EIF3A: variants seen among roughly 807,000 people sequenced by gnomAD.
EIF3A encodes the protein EIF3, p180 subunit.
In EIF3A, 21 loss-of-function variants were observed where a neutral mutation model predicts 186.6. The observed-to-expected ratio is 0.11, with a 90% CI of 0.08 to 0.16. The LOEUF is 0.16. Ranked by LOEUF, EIF3A falls within the 10% of genes least tolerant of loss-of-function variation. The probability of loss-of-function intolerance (pLI) is 1.00; values close to 1 mark genes in which losing one functional copy is unlikely to be tolerated. For missense variants in EIF3A, 1,306 were observed against 1,796.3 expected, an observed-to-expected ratio of 0.73 and a Z score of 4.93; for synonymous variants, 563 against 584.3, an observed-to-expected ratio of 0.96 and a Z score of 0.52.
chr10:119,069,404 T>C (rs1254489254), intron 6 of EIF3A, 42 bp downstream of exon 6: 2 of 978,940 alleles, frequency 2.0e-6, no homozygotes, highest in Non-Finnish European at 3.3e-6. Flanking sequence ...TAGACGATAT[T>C]TGTTACAGAA....
rs141604213 is a variant in EIF3A, at chr10:119,051,218, G to T, written c.2300C>A (p.Ala767Glu). Residue 767 changes from alanine to glutamate, a missense_variant, in exon 15 of 22, where the codon GCA becomes GAA. Transcript: ENST00000369144. Reference sequence around the variant, plus strand: ...GCTCACCTCATAAACAGACTGCCGTGCAGCTTTGAGTCGCATTACGAATAA... The same window carrying T: ...GCTCACCTCATAAACAGACTGCCGTTCAGCTTTGAGTCGCATTACGAATAA... Reference protein sequence around the residue: ...RDLFVMRLKAARQSVYEEKLK... With the variant: ...RDLFVMRLKAERQSVYEEKLK... 7.8e-5 allele frequency: 125 copies of T among 1,609,544 alleles called. 1 individual carries two copies. In the African/African-American group the frequency reaches 1.6e-3, roughly 21 times the overall value.
chr10:119,070,815 A>G, intron 5 of EIF3A, 71 bp downstream of exon 5: 2 of 1,053,518 alleles, frequency 1.9e-6, no homozygotes, highest in South Asian at 2.6e-5. Context: ...AGATGAAGCT[A>G]TTCATTAAGG....
rs556389995 is a variant in EIF3A, at chr10:119,058,674, G to A, written c.1630-371C>T. On this transcript the variant is annotated intron_variant, in intron 11 of 21. Coordinates refer to ENST00000369144, the MANE Select transcript of EIF3A (RefSeq NM_003750.4). ...AAGGCGGGTGGATCACTTGAGGCCAGGACTTTGAGACCAGCATGGCCAACA... is the reference window on the plus strand; with the variant it reads ...AAGGCGGGTGGATCACTTGAGGCCAAGACTTTGAGACCAGCATGGCCAACA... Among the ~76,000 whole-genome samples the A allele has an allele frequency of 2.5e-4, 38 of 152,358 alleles. No individual in the cohort carries two copies. The South Asian group carries it at 7.9e-3, about 32-fold the overall frequency.
At position 119,059,736 on chromosome 10, in the gene EIF3A, G is replaced by A. The variant is rs1843850718; in HGVS notation, c.1327-18C>T. ...TGTGACACCTGCATAGAAAACAAAGGGTTAATAACACTAGCCACTGTTTAT... is the reference window on the plus strand; with the variant it reads ...TGTGACACCTGCATAGAAAACAAAGAGTTAATAACACTAGCCACTGTTTAT... On this transcript the variant is annotated intron_variant, in intron 9 of 21. Transcript: ENST00000369144. 2.0e-6 allele frequency: 3 copies of A among 1,511,316 alleles called. No homozygotes were observed. The Admixed American group carries it at 5.0e-5, about 25-fold the overall frequency. 93.6% of individuals were successfully genotyped at this position (1,511,316 alleles called of 1,614,324 possible). A position where few individuals can be genotyped will look rare whatever the true frequency, so the allele number is the denominator to read the frequency against.
intron 9 of EIF3A, chr10:119,060,115 A>C (rs566365526): frequency 2.0e-5 from 10 of 506,542 alleles, no homozygotes; most frequent in South Asian, 1.0e-4. Context: ...CACATAAAAG[A>C]AAGCAGGTCA....
At chr10:119,066,530 A>C (rs1275038404) in intron 6 of EIF3A, among the ~76,000 whole-genome samples, 3 of 150,662 alleles carry the variant, frequency 2.0e-5, no homozygotes, top group East Asian at 2.0e-4. Flanking sequence ...AAAAAAAAAA[A>C]AAAAAAAAAC....
chr10:119,058,965 C>T (rs998864600), intron 11 of EIF3A, among the ~76,000 whole-genome samples: 1 of 152,214 alleles, frequency 6.6e-6, no homozygotes, highest in African/African-American at 2.4e-5. Context: ...TATGTCCACT[C>T]TGTTGTTTCT....
rs1319476928 is a variant in EIF3A at position 119,037,110 on chromosome 10, C to G, written c.3919+9G>C. ...TCTCCAATACTTCAGTTGTATGTAA[C>G]CTCTATACCTTCTTCACGTTCTGAT... On this transcript the variant is annotated intron_variant, in intron 21 of 21. Transcript: ENST00000369144. The G allele has an allele frequency of 4.4e-6, 6 of 1,356,416 alleles. No individual in the cohort carries two copies. The highest frequency in any genetic ancestry group is 1.5e-5 in the African/African-American group (1 of 64,670). The allele number at this position is 1,356,416 out of a possible 1,614,324, so 84.0% of individuals were successfully genotyped here. A position where few individuals can be genotyped will look rare whatever the true frequency, so the allele number is the denominator to read the frequency against.
chr10:119,060,882 C>A, intron 8 of EIF3A, 38 bp from the exon 9 acceptor site: 1 of 1,387,898 alleles, frequency 7.2e-7, no homozygotes, highest in Non-Finnish European at 1.0e-6. Context: ...ATCACACTTT[C>A]TACATAAGAG....
rs150645328 is a variant in EIF3A at position 119,042,709 on chromosome 10, G to A, written c.2811C>T (p.Pro937=). The change falls in exon 19 of 22, where the codon CCC becomes CCT. Residue 937 remains proline, a synonymous_variant. Transcript: ENST00000369144. The surrounding 1 kb of genome is among the most constrained non-coding windows in gnomAD (Gnocchi z 7.8). Reference sequence around the variant, plus strand: ...TATCTTCATCATCCCCCAGACGCCGGGGCCGCTCTTCATCTCTTCTATGAG... The same window carrying A: ...TATCTTCATCATCCCCCAGACGCCGAGGCCGCTCTTCATCTCTTCTATGAG... ...DRSHRRDEER[P]RRLGDDEDRE... 2,705 of 1,613,730 alleles carry A rather than the reference G, an allele frequency of 1.7e-3. 37 individuals are homozygous for A. In the South Asian group the frequency reaches 0.018, roughly 11 times the overall value.
rs1257341518 is a variant in EIF3A, at chr10:119,063,375, C to T, written c.1122+2024G>A. On this transcript the variant is annotated intron_variant, in intron 7 of 21. Transcript: ENST00000369144. ...TGTCACAAAGGAAAAATGCCACTAT[C>T]TAGAAAAGTTATTTGTTCTTAAATT... is the stretch of plus-strand genomic sequence containing the variant. 2.6e-5 allele frequency among the ~76,000 whole-genome samples: 4 copies of T among 152,272 alleles called. No homozygotes were observed. The East Asian group carries it at 5.8e-4, about 22-fold the overall frequency.
Position 119,036,231 on chromosome 10 carries a change from G to A in EIF3A, c.3957C>T (p.Asp1319=), listed in dbSNP as rs1431998581. 1.2e-6 allele frequency: 2 copies of A among 1,613,018 alleles called. No individual in the cohort carries two copies. The highest frequency in any genetic ancestry group is 1.1e-5 in the South Asian group (1 of 91,014). The change falls in exon 22 of 22, where the codon GAC becomes GAT. Residue 1319 remains aspartate, a synonymous_variant. Transcript: ENST00000369144. ...SWRRADDRKD[D]RVEERDPPRR... is the part of the protein sequence containing the mutation. Reference sequence around the variant, plus strand: ...GAGGAGGGTCCCGCTCTTCCACCCGGTCATCTTTCCTGTCATCAGCACGTC... The same window carrying A: ...GAGGAGGGTCCCGCTCTTCCACCCGATCATCTTTCCTGTCATCAGCACGTC...
chr10:119,073,803 G>C lies in EIF3A; in HGVS notation c.184C>G (p.Arg62Gly). ...CCCTCCTTTGCCAAGTGGCTCTTGC[G>C]AAGATCCACGCAAAGTTCCAAGTAT... The part of the protein sequence containing the change: ...LKYLELCVDL[R>G]KSHLAKEGLY... The change falls in exon 2 of 22, where the codon CGC becomes GGC. Residue 62 changes from arginine (R) to glycine (G), a missense_variant. Arg to Gly is a moderately radical substitution (Grantham distance 125). Transcript: ENST00000369144. The C allele has an allele frequency of 6.2e-7, 1 of 1,613,736 alleles. No homozygotes were observed. The highest frequency in any genetic ancestry group is 8.5e-7 in the Non-Finnish European group (1 of 1,179,868).
chr10:119,071,693 T>C (rs1186657663), intron 4 of EIF3A, among the ~76,000 whole-genome samples: 1 of 152,174 alleles, frequency 6.6e-6, no homozygotes, highest in African/African-American at 2.4e-5. Flanking sequence ...TTAATATTTG[T>C]ATCAACAGCT....
intron 17 of EIF3A, among the ~76,000 whole-genome samples, chr10:119,049,046 A>G (rs1307831150): frequency 1.3e-5 from 2 of 152,192 alleles, no homozygotes; most frequent in African/African-American, 2.4e-5. Flanking sequence ...CAAAACTTTC[A>G]TGACACGCAT....
chr10:119,062,482 T>C (rs961091762), intron 7 of EIF3A, among the ~76,000 whole-genome samples: 3 of 152,164 alleles, frequency 2.0e-5, no homozygotes, highest in African/African-American at 7.2e-5. Context: ...ACTCAAGAAG[T>C]TGACAAATGC....
chr10:119,044,907 C>A (rs1174143661), intron 17 of EIF3A, among the ~76,000 whole-genome samples: 3 of 150,546 alleles, frequency 2.0e-5, no homozygotes, highest in African/African-American at 7.3e-5. Context: ...TCAAACAATG[C>A]GTGAATAAGA....
intron 1 of EIF3A, 169 bp downstream of exon 1, chr10:119,080,455 AGAGT>A (rs1305692005): frequency 3.0e-5 from 30 of 985,358 alleles, no homozygotes; most frequent in Admixed American, 1.2e-4. Context: ...CCCAGTCGAT[AGAGT>A]GAGAAGGAAA....
At position 119,042,140 on chromosome 10, in the gene EIF3A, C is replaced by G; in HGVS notation, c.3380G>C (p.Arg1127Thr). The change falls in exon 19 of 22, where the codon AGA becomes ACA. Residue 1127 changes from arginine (R) to threonine (T), a missense_variant. Physicochemically the swap from Arg to Thr is moderately conservative, Grantham distance 71. Transcript: ENST00000369144. This position sits in a 1 kb window ranked among gnomAD's most constrained non-coding sequence, Gnocchi z 7.8. ...RGPWRNADDD[R>T]IPRRGAEDDR... is the part of the protein sequence containing the mutation. ...ATCCTCTGCACCACGCCTGGGAATT[C>G]TGTCATCATCGGCGTTCCTCCAAGG... The G allele has an allele frequency of 1.2e-6, 2 of 1,614,202 alleles. No homozygotes were observed. Among genetic ancestry groups the G allele is most frequent in the Middle Eastern group, 1.6e-4 (1 of 6,062 alleles).
Sources: allele counts gnomAD v4.1 joint callset (sites outside exome capture counted in the v4.1 genomes callset), GRCh38; gene constraint gnomAD v4.1.1; non-coding constraint Gnocchi (gnomAD v3.1); transcripts MANE v1.5; gene names NCBI Gene and HGNC (gene_info 2026-07-23, HGNC 2026-07-21).